Variants in SARDH observed in about 807,000 individuals in gnomAD.
SARDH encodes sarcosine dehydrogenase, also known as sarcosine dehydrogenase, mitochondrial.
A neutral mutation model predicts 109.1 loss-of-function variants in SARDH; 95 were observed. The observed-to-expected ratio is 0.87, with a 90% CI of 0.74 to 1.03. The LOEUF is 1.03. SARDH is among the 50% of genes least tolerant of loss of function. The pLI, the probability that SARDH is intolerant of heterozygous loss-of-function variation, is 0.00. For missense variants in SARDH, 1,267 were observed against 1,287.8 expected (o/e 0.98, Z 0.25); for synonymous variants, 572 against 534.8 (o/e 1.07, Z -0.96).
At chr9:133,671,006 G>A (rs1391843722) in intron 18 of SARDH, among the ~76,000 whole-genome samples, 2 of 152,168 alleles carry the variant, frequency 1.3e-5, no homozygotes, top group East Asian at 1.9e-4. Flanking sequence ...GGAGGGGCTT[G>A]TGAAGGGGGA....
chr9:133,676,666 C>G (rs1830522078), intron 17 of SARDH, among the ~76,000 whole-genome samples: 1 of 152,208 alleles, frequency 6.6e-6, no homozygotes, highest in Non-Finnish European at 1.5e-5. Flanking sequence ...CAGGAAGCTG[C>G]AGTCTGCGTC....
Position 133,670,848 on chromosome 9 carries a change from C to T in SARDH, c.2327-96G>A, listed in dbSNP as rs1193703299. ...TGCTGCCTAAACCCACCCCCTCCAG[C>T]CCCTAGCCACACTCTCAGAGCTGCT... is the stretch of plus-strand genomic sequence containing the variant. On this transcript the variant is annotated intron_variant, in intron 18 of 20. Coordinates refer to ENST00000439388, the MANE Select transcript of SARDH (RefSeq NM_001134707.2). 5 of 1,411,054 alleles carry T rather than the reference C, an allele frequency of 3.5e-6. No individual in the cohort carries two copies. In the African/African-American group the frequency reaches 5.9e-5, roughly 17 times the overall value. 87.4% of individuals were successfully genotyped at this position (1,411,054 alleles called of 1,614,324 possible). A position where few individuals can be genotyped will look rare whatever the true frequency, so the allele number is the denominator to read the frequency against.
chr9:133,694,283 G>C lies in SARDH; in HGVS notation c.1896C>G (p.Ala632=), dbSNP rs576850471. 6.5e-7 allele frequency: 1 copy of C among 1,549,874 alleles called. No individual in the cohort carries two copies. The highest frequency in any genetic ancestry group is 1.2e-5 in the South Asian group (1 of 84,032). The change falls in exon 15 of 21, where the codon GCC becomes GCG. Residue 632 remains alanine (A), a synonymous_variant. Transcript: ENST00000439388. ...CTTCAAAGGCGGGGGCCAGCGGGGA[G>C]GCCTGGTGGCTGGGTGCCAGGCGGC... The part of the protein sequence containing the change: ...TVSRLAPSHQ[A]SPLAPAFEGD...
At chr9:133,705,838 G>A (rs1312224077) in intron 11 of SARDH, among the ~76,000 whole-genome samples, 1 of 152,170 alleles carries the variant, frequency 6.6e-6, no homozygotes, top group Non-Finnish European at 1.5e-5. Flanking sequence ...CATCAGGGTG[G>A]GTCCTAATCC....
At chr9:133,730,473 A>ATT (rs758293555) in intron 4 of SARDH, among the ~76,000 whole-genome samples, 1 of 128,276 alleles carries the variant, frequency 7.8e-6, no homozygotes, top group Non-Finnish European at 1.7e-5. Context: ...TTTTTTTTAA[A>ATT]AAAAAAAAGC....
Position 133,733,065 on chromosome 9 carries a change from G to C in SARDH, c.332-464C>G, listed in dbSNP as rs907673803. Reference sequence around the variant, plus strand: ...TGCCCTCCAGCAGCTGAATGTGAGAGGTGGCAGGCCAGGGGTGTGGCTGGC... The same window carrying C: ...TGCCCTCCAGCAGCTGAATGTGAGACGTGGCAGGCCAGGGGTGTGGCTGGC... On this transcript the variant is annotated intron_variant, in intron 2 of 20. Coordinates refer to ENST00000439388, the MANE Select transcript of SARDH (RefSeq NM_001134707.2). Among the ~76,000 whole-genome samples the C allele has an allele frequency of 6.8e-4, 103 of 152,346 alleles. 1 individual carries two copies. The highest frequency in any genetic ancestry group is 6.8e-3 in the Middle Eastern group (2 of 294).
At chr9:133,691,169 A>AACACAAACAC (rs1554750407) in intron 15 of SARDH, among the ~76,000 whole-genome samples, 3 of 112,136 alleles carry the variant, frequency 2.7e-5, no homozygotes, top group African/African-American at 1.1e-4. Context: ...CACCTCCCCC[A>AACACAAACAC]ACACACACAC....
At chr9:133,719,448 G>A (rs1832245114) in intron 6 of SARDH, among the ~76,000 whole-genome samples, 1 of 152,146 alleles carries the variant, frequency 6.6e-6, no homozygotes, top group Non-Finnish European at 1.5e-5. Context: ...CTTAGCTGGG[G>A]CTGGAGGAGA....
At chr9:133,660,889 C>T (rs187006750), downstream of SARDH, among the ~76,000 whole-genome samples, 239 of 152,308 alleles carry the variant, frequency 1.6e-3, no homozygotes, top group African/African-American at 5.4e-3. Context: ...TGGCTACTTA[C>T]GATTAATTTT....
downstream of SARDH, among the ~76,000 whole-genome samples, chr9:133,661,067 C>T (rs180819543): frequency 8.9e-4 from 135 of 152,138 alleles, no homozygotes; most frequent in Admixed American, 1.5e-3. Flanking sequence ...GGGCTGGGCG[C>T]GGTGGCTCAC....
intron 17 of SARDH, among the ~76,000 whole-genome samples, chr9:133,678,741 C>T (rs1159081729): frequency 6.6e-6 from 1 of 152,220 alleles, no homozygotes; most frequent in African/African-American, 2.4e-5. Context: ...CCATTCTTCA[C>T]CGACCTTAAG....
At chr9:133,679,162 G>A (rs1196573150) in intron 17 of SARDH, among the ~76,000 whole-genome samples, 2 of 152,242 alleles carry the variant, frequency 1.3e-5, no homozygotes, top group African/African-American at 4.8e-5. Context: ...CCGTGACAGG[G>A]AACACGGTGC....
At chr9:133,662,320 C>T (rs1344528612), downstream of SARDH, among the ~76,000 whole-genome samples, 1 of 152,106 alleles carries the variant, frequency 6.6e-6, no homozygotes, top group Non-Finnish European at 1.5e-5. The surrounding 1 kb of genome is among the most constrained non-coding windows in gnomAD (Gnocchi z 5.1). Flanking sequence ...AGGGATGGGC[C>T]GTGAGATGAA....
In SARDH at chr9:133,685,282, C is replaced by A; in HGVS notation, c.2074G>T (p.Ala692Ser). The A allele has an allele frequency of 6.2e-7, 1 of 1,613,456 alleles. No individual in the cohort carries two copies. The highest frequency in any genetic ancestry group is 1.1e-5 in the South Asian group (1 of 90,958). ...MISIQGPASR[A>S]ILQEVLDADL... Reference sequence around the variant, plus strand: ...GCGTCCAGCACCTCCTGCAAAATGGCTCGGCTGCAGGCAAGAGCAAAGTCG... The same window carrying A: ...GCGTCCAGCACCTCCTGCAAAATGGATCGGCTGCAGGCAAGAGCAAAGTCG... The change falls in exon 17 of 21, where the codon GCC becomes TCC. Residue 692 changes from alanine (A) to serine (S), a missense_variant. Ala to Ser is a moderately conservative substitution (Grantham distance 99). Coordinates refer to ENST00000439388, the MANE Select transcript of SARDH (RefSeq NM_001134707.2).
intron 17 of SARDH, among the ~76,000 whole-genome samples, chr9:133,679,676 G>A (rs546544381): frequency 6.6e-5 from 10 of 152,312 alleles, no homozygotes; most frequent in South Asian, 2.1e-4. Context: ...GCTGCTGAGC[G>A]GACAATAACT....
intron 16 of SARDH, among the ~76,000 whole-genome samples, chr9:133,689,960 A>T (rs774346121): frequency 6.0e-4 from 92 of 152,164 alleles, no homozygotes; most frequent in Non-Finnish European, 1.1e-3. Flanking sequence ...CTTGTCATGG[A>T]GGGTGTTTCC....
At chr9:133,703,099 T>C in intron 12 of SARDH, 70 bp from the exon 13 acceptor site, 1 of 1,364,062 alleles carries the variant, frequency 7.3e-7, no homozygotes, top group Non-Finnish European at 1.0e-6. Context: ...CAGAGCGGGG[T>C]CCCGCTGAGG....
At position 133,686,566 on chromosome 9, in the gene SARDH, C is replaced by G. The variant is rs992838037; in HGVS notation, c.2070-1280G>C. 6.6e-6 allele frequency among the ~76,000 whole-genome samples: 1 copy of G among 151,998 alleles called. No individual in the cohort carries two copies. Among genetic ancestry groups the G allele is most frequent in the Non-Finnish European group, 1.5e-5 (1 of 67,982 alleles). On this transcript the variant is annotated intron_variant, in intron 16 of 20. Transcript: ENST00000439388. This position sits in a 1 kb window ranked among gnomAD's most constrained non-coding sequence, Gnocchi z 4.0. ...CAGGAGCTCCGTGCCAACAGCATCC[C>G]CCTATCCCAATGTGCCTGGCACAGA... is the stretch of plus-strand genomic sequence containing the variant.
chr9:133,705,046 G>A lies in SARDH; in HGVS notation c.1471-15C>T. 2 of 1,580,312 alleles carry A rather than the reference G, an allele frequency of 1.3e-6. No individual in the cohort carries two copies. Among genetic ancestry groups the A allele is most frequent in the East Asian group, 2.3e-5 (1 of 43,762 alleles). ...CCAAGGAGTTCCTGAGCAGGAGTGGGGAACAGGCATCTGTCACGCATGGCC... is the reference window on the plus strand; with the variant it reads ...CCAAGGAGTTCCTGAGCAGGAGTGGAGAACAGGCATCTGTCACGCATGGCC... On this transcript the variant is annotated splice_polypyrimidine_tract_variant and intron_variant, in intron 11 of 20. Coordinates refer to ENST00000439388, the MANE Select transcript of SARDH (RefSeq NM_001134707.2).
Sources: allele counts gnomAD v4.1 joint callset (sites outside exome capture counted in the v4.1 genomes callset), GRCh38; gene constraint gnomAD v4.1.1; non-coding constraint Gnocchi (gnomAD v3.1); transcripts MANE v1.5; gene names NCBI Gene and HGNC (gene_info 2026-07-23, HGNC 2026-07-21).